Variants in NIPBL observed in about 807,000 individuals in gnomAD.
NIPBL encodes the protein nipped-B-like protein.
A neutral mutation model predicts 321.8 loss-of-function variants in NIPBL; 19 were observed. The observed-to-expected ratio is 0.06, with a 90% CI of 0.04 to 0.09. NIPBL has a LOEUF of 0.09. NIPBL is among the 10% of genes least tolerant of loss of function. The pLI is 1.00. For synonymous variants in NIPBL, 1,106 were observed against 1,114.1 expected (o/e 0.99, Z 0.14); for missense variants, 2,210 against 3,327.0 (o/e 0.66, Z 8.26).
chr5:37,021,786 T>C (rs1749675701), intron 27 of NIPBL, among the ~76,000 whole-genome samples: 1 of 152,236 alleles, frequency 6.6e-6, no homozygotes, highest in African/African-American at 2.4e-5. Context: ...TTAATGGGGC[T>C]ACAGGTTCTG....
At chr5:37,010,040 A>G (rs1747923014) in intron 20 of NIPBL, 47 bp from the exon 21 acceptor site, 2 of 1,422,328 alleles carry the variant, frequency 1.4e-6, no homozygotes, top group African/African-American at 2.8e-5. Flanking sequence ...TGACATTTAA[A>G]TGAGATTATC....
Position 37,026,907 on chromosome 5 carries a change from C to T in NIPBL, c.5809-452C>T, listed in dbSNP as rs183519756. Among the ~76,000 whole-genome samples the T allele has an allele frequency of 8.7e-5, 13 of 150,080 alleles. 1 individual carries two copies. In the East Asian group the frequency reaches 2.5e-3, roughly 29 times the overall value. On this transcript the variant is annotated intron_variant, in intron 31 of 46. Transcript: ENST00000282516. ...GCCTGGGCAATATAATAGCAAGATC[C>T]CTTCTCAAAAAAAAAAAAAGAAAAG... is the stretch of plus-strand genomic sequence containing the variant.
In NIPBL at chr5:37,020,492, C is replaced by A; in HGVS notation, c.5044C>A (p.Arg1682=). The change falls in exon 26 of 47, where the codon CGA becomes AGA. Residue 1682 remains arginine (R), a synonymous_variant. Coordinates refer to ENST00000282516, the MANE Select transcript of NIPBL (RefSeq NM_133433.4). The part of the protein sequence containing the change: ...SRKFYIAQWF[R]DTTLETEKAM... ...TAAATTCTATATAGCCCAGTGGTTT[C>A]GAGACACAACTCTGGAAACAGAAAA... The A allele has an allele frequency of 6.2e-7, 1 of 1,613,534 alleles. No individual in the cohort carries two copies. The highest frequency in any genetic ancestry group is 8.5e-7 in the Non-Finnish European group (1 of 1,179,734).
chr5:36,887,219 C>G (rs997267273), intron 1 of NIPBL, among the ~76,000 whole-genome samples: 1 of 152,038 alleles, frequency 6.6e-6, no homozygotes, highest in Non-Finnish European at 1.5e-5. Context: ...TGAAATAGAC[C>G]TACTCTCTTT....
chr5:37,036,390 C>T lies in NIPBL; in HGVS notation c.5874C>T (p.Ser1958=), dbSNP rs61748200. ...FEQLLQNLLK[S]EEDSSYKPVK... is the part of the protein sequence containing the mutation. ...ATATGTATATATAGTTGTTGAAGTC[C>T]GAAGAGGATTCCTCATATAAACCTG... is the stretch of plus-strand genomic sequence containing the variant. The change falls in exon 33 of 47, where the codon TCC becomes TCT. Residue 1958 remains serine (S), a synonymous_variant. Coordinates refer to ENST00000282516, the MANE Select transcript of NIPBL (RefSeq NM_133433.4). 0.14 allele frequency: 182,542 copies of T among 1,272,910 alleles called. 14,646 individuals carry two copies. The highest frequency in any genetic ancestry group is 0.29 in the East Asian group (9,591 of 32,802). 78.9% of individuals were successfully genotyped at this position (1,272,910 alleles called of 1,614,324 possible). A position where few individuals can be genotyped will look rare whatever the true frequency, so the allele number is the denominator to read the frequency against.
At chr5:37,015,590 C>T (rs1748863590) in intron 22 of NIPBL, among the ~76,000 whole-genome samples, 2 of 151,920 alleles carry the variant, frequency 1.3e-5, no homozygotes, top group Non-Finnish European at 2.9e-5. Flanking sequence ...ATTAGCCAGG[C>T]ATGGTGGTGC....
At chr5:36,956,402 G>A (rs1740949528) in intron 3 of NIPBL, among the ~76,000 whole-genome samples, 1 of 151,598 alleles carries the variant, frequency 6.6e-6, no homozygotes, top group African/African-American at 2.4e-5. Context: ...ATCATGTAGG[G>A]GAATGAGGAT....
At chr5:36,930,820 A>G (rs529555434) in intron 1 of NIPBL, among the ~76,000 whole-genome samples, 11 of 152,220 alleles carry the variant, frequency 7.2e-5, no homozygotes, top group African/African-American at 2.4e-4. Flanking sequence ...TGCTATTTCT[A>G]TTAATAAGAT....
In NIPBL at chr5:36,885,904, C is replaced by T. The variant is rs1050849954; in HGVS notation, c.-80+8726C>T. 1.8e-5 allele frequency: 13 copies of T among 735,580 alleles called. No individual in the cohort carries two copies. In the African/African-American group the frequency reaches 1.9e-4, roughly 11 times the overall value. The allele number at this position is 735,580 out of a possible 1,614,324, so 45.6% of individuals were successfully genotyped here. A position where few individuals can be genotyped will look rare whatever the true frequency, so the allele number is the denominator to read the frequency against. On this transcript the variant is annotated intron_variant, in intron 1 of 46. Coordinates refer to ENST00000282516, the MANE Select transcript of NIPBL (RefSeq NM_133433.4). ...CCCAGCTCACCAGCTCTGGGTTGAC[C>T]GTGAAGGTAGATGCTCCCAAATCTC...
At chr5:36,987,187 A>G (rs1033494761) in intron 10 of NIPBL, among the ~76,000 whole-genome samples, 16 of 152,134 alleles carry the variant, frequency 1.1e-4, no homozygotes, top group Admixed American at 1.0e-3. Context: ...TACAGTCTAA[A>G]TATACTGAGG....
chr5:36,930,153 A>G (rs1749674512), intron 1 of NIPBL, among the ~76,000 whole-genome samples: 1 of 152,084 alleles, frequency 6.6e-6, no homozygotes. Flanking sequence ...GAATCTATAG[A>G]TCAATTTGAA....
rs148719303 is a variant in NIPBL, at chr5:36,971,298, G to A, written c.771+262G>A. 8.1e-3 allele frequency among the ~76,000 whole-genome samples: 1,230 copies of A among 151,650 alleles called. 10 individuals carry two copies. The highest frequency in any genetic ancestry group is 0.028 in the African/African-American group (1,168 of 41,362). ...AAAAAAAATGTGATAGAGACTGTAT[G>A]TGGCCCACAGAGCCTAAAATATTTA... On this transcript the variant is annotated intron_variant, in intron 7 of 46. Coordinates refer to ENST00000282516, the MANE Select transcript of NIPBL (RefSeq NM_133433.4).
At chr5:36,959,627 A>G (rs138577583) in intron 4 of NIPBL, among the ~76,000 whole-genome samples, 2 of 152,340 alleles carry the variant, frequency 1.3e-5, no homozygotes, top group East Asian at 3.9e-4. Context: ...GAGTAGGAGT[A>G]TTAGTTTTAT....
rs141175303 is a variant in NIPBL at position 36,950,618 on chromosome 5, A to G, written c.-79-3000A>G. Among the ~76,000 whole-genome samples, 261 of 152,230 alleles carry G rather than the reference A, an allele frequency of 1.7e-3. 1 individual carries two copies. The highest frequency in any genetic ancestry group is 5.9e-3 in the African/African-American group (247 of 41,560). ...TTTTATAATCTACTAATCAGTCACC[A>G]ATCACAGATTGTAAAGCACTACCTT... On this transcript the variant is annotated intron_variant, in intron 1 of 46. Coordinates refer to ENST00000282516, the MANE Select transcript of NIPBL (RefSeq NM_133433.4).
chr5:36,885,601 C>T (rs1238054142), intron 1 of NIPBL: 1 of 533,918 alleles, frequency 1.9e-6, no homozygotes, highest in Non-Finnish European at 3.7e-6. Flanking sequence ...TCAAGACCAT[C>T]GAGGATCTGA....
intron 1 of NIPBL, among the ~76,000 whole-genome samples, chr5:36,902,649 T>C (rs747782340): frequency 6.6e-6 from 1 of 152,198 alleles, no homozygotes; most frequent in African/African-American, 2.4e-5. Flanking sequence ...ACTGTAGCCT[T>C]TTAGTATAGT....
chr5:37,057,160 T>G, intron 42 of NIPBL, 26 bp from the exon 43 acceptor site: 1 of 1,610,908 alleles, frequency 6.2e-7, no homozygotes, highest in Non-Finnish European at 8.5e-7. Flanking sequence ...CCGCTAAACA[T>G]GTGTGCTTTT....
Position 36,985,886 on chromosome 5 carries a change from A to G in NIPBL, c.2706A>G (p.Lys902=). ...SPRVKQGDSN[K]SRSDKLGFKS... ...GTGTTAAACAAGGAGATTCTAATAAATCAAGATCTGATAAACTTGGTTTTA... is the reference window on the plus strand; with the variant it reads ...GTGTTAAACAAGGAGATTCTAATAAGTCAAGATCTGATAAACTTGGTTTTA... The change falls in exon 10 of 47, where the codon AAA becomes AAG. Residue 902 remains lysine (K), a synonymous_variant. Transcript: ENST00000282516. 1.9e-6 allele frequency: 3 copies of G among 1,613,924 alleles called. No homozygotes were observed. The highest frequency in any genetic ancestry group is 1.1e-5 in the South Asian group (1 of 91,078).
chr5:37,000,944 C>T (rs771636150), intron 13 of NIPBL, 45 bp from the exon 14 acceptor site: 2 of 1,582,574 alleles, frequency 1.3e-6, no homozygotes, highest in African/African-American at 2.7e-5. Flanking sequence ...CTTCACATGT[C>T]TACTTGTAAT....
Sources: gnomAD v4.1 joint callset for allele counts (sites outside exome capture counted in the v4.1 genomes callset) on GRCh38, gnomAD v4.1.1 for gene constraint, MANE v1.5 for transcripts, NCBI Gene and HGNC (gene_info 2026-07-23, HGNC 2026-07-21) for gene names.